The following AIM2 variants were observed in gnomAD, a reference collection of about 807,000 sequenced individuals.
The protein encoded by AIM2 is interferon-inducible protein AIM2.
Under a neutral mutation model 27.7 loss-of-function variants are expected in AIM2, and 30 were observed. The ratio of observed to expected loss-of-function variants is 1.08; its 90% CI spans 0.81 to 1.47. The LOEUF is 1.47. Ranked by LOEUF, AIM2 falls within the 40% of genes most tolerant of loss-of-function variation. The pLI is 0.00. For synonymous variants in AIM2, 141 were observed against 145.3 expected, an observed-to-expected ratio of 0.97 and a Z score of 0.21; for missense variants, 358 against 411.3, an observed-to-expected ratio of 0.87 and a Z score of 1.12.
In AIM2 at chr1:159,116,373, C is replaced by T. The variant is rs545294608; in HGVS notation, c.-16+24058G>A. ...ATTATAAATCATGCTGCTATAAAGA[C>T]ACATGCACACATATGTTTATTGTGG... On this transcript the variant is annotated intron_variant, in intron 1 of 2. Transcript: ENST00000368129. Among the ~76,000 whole-genome samples the T allele has an allele frequency of 1.6e-4, 25 of 152,314 alleles. No homozygotes were observed. In the South Asian group the frequency reaches 5.2e-3, roughly 32 times the overall value.
chr1:159,121,463 G>A (rs945305294), intron 1 of AIM2, among the ~76,000 whole-genome samples: 7 of 152,216 alleles, frequency 4.6e-5, no homozygotes, highest in Admixed American at 2.0e-4. Flanking sequence ...CCAGTTTGAC[G>A]TGCTTTTGTA....
chr1:159,143,578 G>A (rs1031294271), upstream of AIM2, among the ~76,000 whole-genome samples: 1 of 112,426 alleles, frequency 8.9e-6, no homozygotes, highest in Non-Finnish European at 1.8e-5. Flanking sequence ...CAGGCTCAGT[G>A]TGTACACACA....
At chr1:159,143,348 G>T (rs576965264), upstream of AIM2, among the ~76,000 whole-genome samples, 5 of 152,262 alleles carry the variant, frequency 3.3e-5, no homozygotes, top group East Asian at 3.9e-4. Flanking sequence ...TCAGAAAAAT[G>T]AGACTGATTG....
At chr1:159,122,748 C>T (rs772818274) in intron 1 of AIM2, among the ~76,000 whole-genome samples, 1 of 152,032 alleles carries the variant, frequency 6.6e-6, no homozygotes, top group Non-Finnish European at 1.5e-5. Context: ...TTCCTCTCTT[C>T]TTTATGCCTT....
At chr1:159,118,970 T>C (rs1647457669) in intron 1 of AIM2, among the ~76,000 whole-genome samples, 1 of 152,184 alleles carries the variant, frequency 6.6e-6, no homozygotes, top group Non-Finnish European at 1.5e-5. Context: ...GTCTGTGATT[T>C]GGCTGAGGCC....
At chr1:159,074,120 A>C (rs1220859582) in intron 1 of AIM2, among the ~76,000 whole-genome samples, 1 of 152,232 alleles carries the variant, frequency 6.6e-6, no homozygotes, top group Non-Finnish European at 1.5e-5. Context: ...TCGAGGCATA[A>C]CTGGCATACA....
chr1:159,080,576 T>C (rs1329344848), upstream of AIM2, among the ~76,000 whole-genome samples: 1 of 152,202 alleles, frequency 6.6e-6, no homozygotes, highest in African/African-American at 2.4e-5. Context: ...TTCCAAACTT[T>C]AGCATGCATT....
chr1:159,111,049 G>A (rs900401456), intron 1 of AIM2, among the ~76,000 whole-genome samples: 2 of 152,026 alleles, frequency 1.3e-5, no homozygotes, highest in Non-Finnish European at 2.9e-5. Flanking sequence ...TTCTAATCTA[G>A]TATTTAGCAT....
intron 1 of AIM2, among the ~76,000 whole-genome samples, chr1:159,098,536 G>A (rs2814762): frequency 0.9 from 137,371 of 152,236 alleles, 63,325 homozygotes; most frequent in East Asian, 1. Context: ...TATTTCCAGC[G>A]TTATAAAAAG....
At chr1:159,093,220 G>C (rs965837119) in intron 1 of AIM2, among the ~76,000 whole-genome samples, 1 of 151,890 alleles carries the variant, frequency 6.6e-6, no homozygotes, top group Non-Finnish European at 1.5e-5. Flanking sequence ...AAGTACTAAT[G>C]ACAGCATATA....
chr1:159,056,405 TA>T, the AIM2 span, among the ~76,000 whole-genome samples: 1 of 152,012 alleles, frequency 6.6e-6, no homozygotes, highest in Admixed American at 6.6e-5. Context: ...GAAATGCATC[TA>T]ACTGCCATTA....
At chr1:159,096,694 C>G (rs998991014) in intron 1 of AIM2, among the ~76,000 whole-genome samples, 35 of 152,104 alleles carry the variant, frequency 2.3e-4, no homozygotes, top group Non-Finnish European at 4.7e-4. Context: ...GCAGACACAC[C>G]ATGGCTCAGT....
intron 1 of AIM2, among the ~76,000 whole-genome samples, chr1:159,127,987 C>G (rs1647766954): frequency 6.6e-6 from 1 of 152,122 alleles, no homozygotes; most frequent in African/African-American, 2.4e-5. Context: ...TTAATCTGTT[C>G]CCTTCATAAC....
At position 159,068,696 on chromosome 1, in the gene AIM2, T is replaced by TATC; in HGVS notation, c.265_267dup (p.Asp89dup). 3 of 1,613,376 alleles carry TATC rather than the reference T, an allele frequency of 1.9e-6. No homozygotes were observed. The highest frequency in any genetic ancestry group is 1.7e-6 in the Non-Finnish European group (2 of 1,179,646). On this transcript the variant is annotated inframe_insertion, in exon 3 of 6. Coordinates refer to ENST00000368130, the MANE Select transcript of AIM2 (RefSeq NM_004833.3). ...GGTTTTGTTACCGATTTGTATTGCT[T>TATC]ATCAACTGATTAAAAAATGAAAGAC... is the stretch of plus-strand genomic sequence containing the variant.
chr1:159,101,066 T>C (rs982455356), intron 1 of AIM2, among the ~76,000 whole-genome samples: 4 of 152,232 alleles, frequency 2.6e-5, no homozygotes, highest in African/African-American at 9.6e-5. Flanking sequence ...ACATCACATA[T>C]ACTCATATGA....
At chr1:159,130,509 C>A (rs565042774) in intron 1 of AIM2, among the ~76,000 whole-genome samples, 1 of 152,234 alleles carries the variant, frequency 6.6e-6, no homozygotes, top group African/African-American at 2.4e-5. Flanking sequence ...TTAAAAGGCA[C>A]TTCCATTCAC....
At chr1:159,087,893 A>G (rs1273062014) in intron 1 of AIM2, among the ~76,000 whole-genome samples, 1 of 152,142 alleles carries the variant, frequency 6.6e-6, no homozygotes, top group East Asian at 1.9e-4. Context: ...TTTAAATGTA[A>G]TAGTGATAAG....
At position 159,065,986 on chromosome 1, in the gene AIM2, C is replaced by A. The variant is rs1557891368; in HGVS notation, c.740G>T (p.Gly247Val). ...AAGCGTGTTGATCTTCGGGGTTTCA[C>A]CAGCTTTTCTGATAATGTTCAGCGG... ...NVPLNIIRKA[G>V]ETPKINTLQT... The change falls in exon 4 of 6, where the codon GGT becomes GTT. Residue 247 changes from glycine to valine, a missense_variant. Physicochemically the swap from Gly to Val is moderately radical, Grantham distance 109 (BLOSUM62 -3). Transcript: ENST00000368130. 1 of 1,611,272 alleles carries A rather than the reference C, an allele frequency of 6.2e-7. No homozygotes were observed. The highest frequency in any genetic ancestry group is 8.5e-7 in the Non-Finnish European group (1 of 1,178,786).
chr1:159,143,631 C>CACAA (rs1648153681), upstream of AIM2, among the ~76,000 whole-genome samples: 1 of 143,294 alleles, frequency 7.0e-6, no homozygotes, highest in Non-Finnish European at 1.5e-5. Context: ...CACACACACA[C>CACAA]TGCTCTTCAT....
Sources: allele counts gnomAD v4.1 joint callset (sites outside exome capture counted in the v4.1 genomes callset), GRCh38; gene constraint gnomAD v4.1.1; transcripts MANE v1.5; gene names NCBI Gene and HGNC (gene_info 2026-07-23, HGNC 2026-07-21).